The following FAM81A variants were observed in gnomAD, a reference collection of about 807,000 sequenced individuals.
FAM81A encodes family with sequence similarity 81 member A.
Under a neutral mutation model 46.7 loss-of-function variants are expected in FAM81A, and 19 were observed. The ratio of observed to expected loss-of-function variants is 0.41; its 90% CI spans 0.28 to 0.60. The LOEUF (loss-of-function observed/expected upper bound fraction) is 0.60. FAM81A is among the 20% of genes least tolerant of loss of function. The pLI is 0.34. For missense variants in FAM81A, 377 were observed against 453.5 expected, an observed-to-expected ratio of 0.83 and a Z score of 1.53; for synonymous variants, 183 against 152.9, an observed-to-expected ratio of 1.20 and a Z score of -1.45.
intron 2 of FAM81A, among the ~76,000 whole-genome samples, chr15:59,411,950 G>A (rs2081122474): frequency 6.6e-6 from 1 of 151,050 alleles, no homozygotes; most frequent in South Asian, 2.1e-4. Context: ...CCCTGGGGTG[G>A]AACCTGCTGC....
chr15:59,487,601 G>T (rs1382320571), intron 3 of FAM81A, among the ~76,000 whole-genome samples: 2 of 151,870 alleles, frequency 1.3e-5, no homozygotes, highest in African/African-American at 4.8e-5. Flanking sequence ...GAAATTCAAA[G>T]GATCATTAGA....
chr15:59,498,385 C>G (rs532402775), intron 4 of FAM81A, among the ~76,000 whole-genome samples: 1 of 152,270 alleles, frequency 6.6e-6, no homozygotes, highest in South Asian at 2.1e-4. Flanking sequence ...TGTCCTGCAA[C>G]CCTGCTGAAC....
intron 7 of FAM81A, among the ~76,000 whole-genome samples, chr15:59,516,330 A>T (rs1054722063): frequency 6.6e-6 from 1 of 151,990 alleles, no homozygotes; most frequent in Non-Finnish European, 1.5e-5. Flanking sequence ...GGGTTTCACC[A>T]TGTTGGCCAG....
chr15:59,441,690 G>A (rs773698691), intron 1 of FAM81A, among the ~76,000 whole-genome samples: 1 of 152,182 alleles, frequency 6.6e-6, no homozygotes, highest in Admixed American at 6.5e-5. Context: ...CCTGCCCTGC[G>A]TCTCCTGGCA....
intron 2 of FAM81A, among the ~76,000 whole-genome samples, chr15:59,403,391 T>C (rs1170474248): frequency 1.3e-5 from 2 of 152,038 alleles, no homozygotes; most frequent in Non-Finnish European, 2.9e-5. Context: ...CTCCCCCAAC[T>C]CCTAAGCATA....
At chr15:59,432,635 A>G (rs529735980) in intron 2 of FAM81A, among the ~76,000 whole-genome samples, 17 of 152,328 alleles carry the variant, frequency 1.1e-4, no homozygotes, top group African/African-American at 3.1e-4. Context: ...GACAAGTTAC[A>G]TAATACCTCT....
intron 3 of FAM81A, among the ~76,000 whole-genome samples, chr15:59,487,961 CAAA>C (rs1225920453): frequency 6.6e-6 from 1 of 151,664 alleles, no homozygotes; most frequent in African/African-American, 2.4e-5. Context: ...AAAACAACAA[CAAA>C]AAAACAAAAA....
intron 3 of FAM81A, among the ~76,000 whole-genome samples, chr15:59,482,993 A>C (rs1239516947): frequency 1.3e-5 from 2 of 152,156 alleles, no homozygotes; most frequent in African/African-American, 2.4e-5. Flanking sequence ...AAAAGCTGGA[A>C]GCTACAGAAA....
At chr15:59,453,134 A>G (rs943433724) in intron 1 of FAM81A, among the ~76,000 whole-genome samples, 11 of 152,202 alleles carry the variant, frequency 7.2e-5, no homozygotes, top group Admixed American at 6.5e-4. Flanking sequence ...CAGGGAAGGG[A>G]AAGGAACCAA....
chr15:59,473,877 A>C (rs959173664), intron 3 of FAM81A, among the ~76,000 whole-genome samples: 7 of 152,122 alleles, frequency 4.6e-5, no homozygotes, highest in Admixed American at 2.0e-4. Flanking sequence ...AGGTCTTGCT[A>C]TGTTGCCCAG....
chr15:59,487,199 ATT>A (rs1953602385), intron 3 of FAM81A, among the ~76,000 whole-genome samples: 4 of 146,872 alleles, frequency 2.7e-5, no homozygotes, highest in South Asian at 2.1e-4. Flanking sequence ...TTATATATAT[ATT>A]ATATATATAT....
chr15:59,506,431 G>GA (rs1484318433), intron 4 of FAM81A, among the ~76,000 whole-genome samples: 3 of 152,044 alleles, frequency 2.0e-5, no homozygotes, highest in Admixed American at 6.6e-5. Flanking sequence ...TGAAGATGGA[G>GA]TGCTGTTCTA....
intron 3 of FAM81A, among the ~76,000 whole-genome samples, chr15:59,469,699 C>T (rs2081660327): frequency 1.3e-5 from 2 of 152,090 alleles, no homozygotes; most frequent in South Asian, 4.1e-4. Context: ...TTAATTGGGG[C>T]ATTTAGCCCA....
At chr15:59,466,661 G>A (rs1193224296) in intron 3 of FAM81A, among the ~76,000 whole-genome samples, 3 of 152,266 alleles carry the variant, frequency 2.0e-5, no homozygotes, top group African/African-American at 7.2e-5. Context: ...TAGGTTGCCT[G>A]TTCACTCTGA....
intron 3 of FAM81A, among the ~76,000 whole-genome samples, chr15:59,469,296 T>A (rs1243584357): frequency 2.0e-5 from 3 of 152,196 alleles, no homozygotes; most frequent in Non-Finnish European, 4.4e-5. Context: ...ATCTGTCTAA[T>A]ATTGACAGTG....
rs1412028598 is a variant in FAM81A, at chr15:59,458,599, C to G, written c.-28C>G. 6.2e-7 allele frequency: 1 copy of G among 1,613,862 alleles called. No individual in the cohort carries two copies. The highest frequency in any genetic ancestry group is 8.5e-7 in the Non-Finnish European group (1 of 1,179,816). On this transcript the variant is annotated 5_prime_UTR_variant, in exon 2 of 9. Coordinates refer to ENST00000288228, the MANE Select transcript of FAM81A (RefSeq NM_152450.3). ...GCCCAACGGAGCACTGTATTTCCTT[C>G]TCGTGTCACCAAGGAAAGGTATAAT...
intron 3 of FAM81A, among the ~76,000 whole-genome samples, chr15:59,463,475 T>C (rs542353206): frequency 3.3e-5 from 5 of 152,264 alleles, no homozygotes; most frequent in Admixed American, 6.5e-5. Context: ...CCTTTGCATT[T>C]TCGTTTAAAT....
chr15:59,462,988 T>C (rs2081570915), intron 3 of FAM81A, among the ~76,000 whole-genome samples: 1 of 152,230 alleles, frequency 6.6e-6, no homozygotes, highest in African/African-American at 2.4e-5. Flanking sequence ...CCTAATAGTG[T>C]CTTTTGAAGT....
intron 2 of FAM81A, chr15:59,406,871 C>T (rs1267330491): frequency 6.7e-6 from 1 of 148,498 alleles, no homozygotes. Context: ...TTTTGCAAGA[C>T]GTCTGGAGGG....
Sources: allele counts gnomAD v4.1 joint callset (sites outside exome capture counted in the v4.1 genomes callset), GRCh38; gene constraint gnomAD v4.1.1; transcripts MANE v1.5; gene names NCBI Gene and HGNC (gene_info 2026-07-23, HGNC 2026-07-21).